The following SDK2 variants were observed in gnomAD, a reference collection of about 807,000 sequenced individuals.
The protein encoded by SDK2 is sidekick cell adhesion molecule 2, also known as protein sidekick-2.
Under a neutral mutation model 253.9 loss-of-function variants are expected in SDK2, and 105 were observed. The observed-to-expected ratio is 0.41, with a 90% CI of 0.35 to 0.49. The LOEUF (loss-of-function observed/expected upper bound fraction) is 0.49, where lower values mean the gene tolerates loss of function less well. Ranked by LOEUF, SDK2 falls within the 20% of genes least tolerant of loss-of-function variation. The pLI, the probability that SDK2 is intolerant of heterozygous loss-of-function variation, is 0.06. For missense variants in SDK2, 2,608 were observed against 3,003.0 expected, an observed-to-expected ratio of 0.87 and a Z score of 3.07; for synonymous variants, 1,249 against 1,234.9, an observed-to-expected ratio of 1.01 and a Z score of -0.24.
intron 43 of SDK2, 110 bp downstream of exon 43, chr17:73,350,127 A>T: frequency 1.4e-6 from 1 of 725,894 alleles, no homozygotes; most frequent in Non-Finnish European, 1.8e-6. Flanking sequence ...GGTGTTTCCC[A>T]GGACAAGGTA....
chr17:73,347,620 C>A (rs1199351321), intron 44 of SDK2, among the ~76,000 whole-genome samples: 1 of 152,186 alleles, frequency 6.6e-6, no homozygotes, highest in South Asian at 2.1e-4. Flanking sequence ...CTGCTGGCAC[C>A]TCTTCCTTCA....
rs1240140306 is a variant in SDK2, at chr17:73,423,391, T to C, written c.1892A>G (p.Glu631Gly). ...GGTGACCACGGGAAGCTTACTGTTC[T>C]CCGACATCTCCAGAATGTAGCGGAT... is the stretch of plus-strand genomic sequence containing the variant. ...PLIRYILEMS[E>G]NNAPWTVLLA... Residue 631 changes from glutamate to glycine, a missense_variant, in exon 14 of 45, where the codon GAG (glutamate) becomes GGG (glycine). Physicochemically the swap from Glu to Gly is moderately conservative, Grantham distance 98. Coordinates refer to ENST00000392650, the MANE Select transcript of SDK2 (RefSeq NM_001144952.2). The C allele has an allele frequency of 6.8e-7, 1 of 1,480,288 alleles. No homozygotes were observed. Among genetic ancestry groups the C allele is most frequent in the Admixed American group, 2.3e-5 (1 of 43,696 alleles). 91.7% of individuals were successfully genotyped at this position (1,480,288 alleles called of 1,614,324 possible). A position where few individuals can be genotyped will look rare whatever the true frequency, so the allele number is the denominator to read the frequency against.
intron 27 of SDK2, 54 bp downstream of exon 27, chr17:73,393,506 G>A: frequency 1.4e-6 from 2 of 1,459,444 alleles, no homozygotes; most frequent in Non-Finnish European, 1.8e-6. Context: ...AGATGGGCAG[G>A]AGGAAGGGCG....
chr17:73,601,191 T>C (rs1449393974), intron 1 of SDK2, among the ~76,000 whole-genome samples: 2 of 151,944 alleles, frequency 1.3e-5, no homozygotes, highest in Non-Finnish European at 2.9e-5. Context: ...AGCTAATTTT[T>C]GTATTTTTAG....
At chr17:73,506,706 G>C (rs887900154) in intron 2 of SDK2, among the ~76,000 whole-genome samples, 6 of 152,238 alleles carry the variant, frequency 3.9e-5, no homozygotes, top group Non-Finnish European at 8.8e-5. Flanking sequence ...GGAGGTGGGA[G>C]GATAAGAGCA....
At chr17:73,593,430 G>A (rs1215986924) in intron 1 of SDK2, among the ~76,000 whole-genome samples, 3 of 152,194 alleles carry the variant, frequency 2.0e-5, no homozygotes, top group Non-Finnish European at 4.4e-5. Context: ...GAACAGAGAT[G>A]GGGTGTGGGG....
intron 38 of SDK2, among the ~76,000 whole-genome samples, chr17:73,364,012 C>T (rs999609065): frequency 6.6e-6 from 1 of 151,812 alleles, no homozygotes; most frequent in African/African-American, 2.4e-5. Context: ...CTGGTCACAA[C>T]GATGTTCCCA....
chr17:73,355,174 A>ATATATATATATATATATATATATATTTT, intron 40 of SDK2, among the ~76,000 whole-genome samples: 15 of 47,202 alleles, frequency 3.2e-4, no homozygotes, highest in East Asian at 1.7e-3. Flanking sequence ...ATATATATAT[A>ATATATATATATATATATATATATATTTT]TTTTTTTTTT....
At chr17:73,403,813 T>A (rs1469952593) in intron 18 of SDK2, among the ~76,000 whole-genome samples, 1 of 152,242 alleles carries the variant, frequency 6.6e-6, no homozygotes, top group African/African-American at 2.4e-5. Flanking sequence ...AATAAGTGTG[T>A]TAAATATCCT....
At chr17:73,374,998 G>A (rs1228155126) in intron 36 of SDK2, among the ~76,000 whole-genome samples, 1 of 152,080 alleles carries the variant, frequency 6.6e-6, no homozygotes, top group Non-Finnish European at 1.5e-5. Flanking sequence ...AAGAGTGACA[G>A]CCAAAGCCCC....
At chr17:73,362,037 C>T (rs537382173) in intron 38 of SDK2, among the ~76,000 whole-genome samples, 192 bp from the exon 39 acceptor site, 5 of 152,340 alleles carry the variant, frequency 3.3e-5, no homozygotes, top group African/African-American at 1.2e-4. Flanking sequence ...ACAGCACGGT[C>T]CTGCCTGCTG....
intron 2 of SDK2, among the ~76,000 whole-genome samples, chr17:73,474,636 G>A (rs2063673220): frequency 6.6e-6 from 1 of 152,158 alleles, no homozygotes; most frequent in South Asian, 2.1e-4. Flanking sequence ...CCCAAGCTCT[G>A]GTAAATCTCT....
chr17:73,338,291 C>CA lies in SDK2; in HGVS notation c.*295dup. 1.8e-6 allele frequency: 1 copy of CA among 559,198 alleles called. No homozygotes were observed. Among genetic ancestry groups the CA allele is most frequent in the South Asian group, 1.5e-5 (1 of 65,032 alleles). The allele number at this position is 559,198 out of a possible 1,614,324, so 34.6% of individuals were successfully genotyped here. A position where few individuals can be genotyped will look rare whatever the true frequency, so the allele number is the denominator to read the frequency against. ...CCTCTCTCTCTCCAGATGCCCGCCC[C>CA]ACTCCGTGTCCATAGCAGTGACACA... is the stretch of plus-strand genomic sequence containing the variant. On this transcript the variant is annotated 3_prime_UTR_variant, in exon 45 of 45. Coordinates refer to ENST00000392650, the MANE Select transcript of SDK2 (RefSeq NM_001144952.2). The surrounding 1 kb of genome is among the most constrained non-coding windows in gnomAD (Gnocchi z 5.0).
chr17:73,575,565 C>T (rs569549796), intron 1 of SDK2, among the ~76,000 whole-genome samples: 8 of 152,230 alleles, frequency 5.3e-5, no homozygotes, highest in African/African-American at 1.9e-4. Flanking sequence ...CTCTCCGTGC[C>T]AGTCTGTACT....
At chr17:73,532,304 C>A (rs1352264802) in intron 1 of SDK2, among the ~76,000 whole-genome samples, 5 of 149,236 alleles carry the variant, frequency 3.4e-5, no homozygotes, top group Non-Finnish European at 7.4e-5. Context: ...TCTGTCCATT[C>A]CCACCTCCAG....
At chr17:73,573,565 G>A (rs1023864365) in intron 1 of SDK2, among the ~76,000 whole-genome samples, 5 of 152,070 alleles carry the variant, frequency 3.3e-5, no homozygotes, top group Middle Eastern at 3.4e-3. Context: ...GGCTCTACCC[G>A]CCAAACGCAC....
rs71157018 is a variant in SDK2, at chr17:73,509,902, C to CAAAAAAAA, written c.65-2313_65-2306dup. On this transcript the variant is annotated intron_variant, in intron 1 of 44. Transcript: ENST00000392650. ...GCAACAGAGCAAGACTCCATCTCTA[C>CAAAAAAAA]AAAAAAAAAAAAAAAAAAAAGAAGG... Among the ~76,000 whole-genome samples, 163 of 25,384 alleles carry CAAAAAAAA rather than the reference C, an allele frequency of 6.4e-3. 11 individuals are homozygous for CAAAAAAAA. The highest frequency in any genetic ancestry group is 0.056 in the Admixed American group (126 of 2,250). The allele number at this position is 25,384 out of a possible 152,430, so 16.7% of individuals were successfully genotyped here.
rs79229569 is a variant in SDK2, at chr17:73,471,603, A to C, written c.331+509T>G. ...ACAGAGTGAGACTCCAACTCAAAAC[A>C]AAAACAAAAACAAAATAAAAGTCAT... On this transcript the variant is annotated intron_variant, in intron 3 of 44. Transcript: ENST00000392650. Among the ~76,000 whole-genome samples the C allele has an allele frequency of 6.3e-4, 96 of 152,280 alleles. 1 individual carries two copies. In the East Asian group the frequency reaches 0.018, roughly 29 times the overall value.
rs1207766853 is a variant in SDK2, at chr17:73,398,527, A to G, written c.3094-98T>C. On this transcript the variant is annotated intron_variant, in intron 22 of 44. Transcript: ENST00000392650. ...GCCCTGCCAGGGAAGAAGTTGGTTC[A>G]GAACCCAGGGCTCATCTGGAGGGCA... The G allele has an allele frequency of 3.9e-6, 4 of 1,035,200 alleles. No homozygotes were observed. In the Admixed American group the frequency reaches 8.0e-5, roughly 21 times the overall value. The allele number at this position is 1,035,200 out of a possible 1,614,324, so 64.1% of individuals were successfully genotyped here. A position where few individuals can be genotyped will look rare whatever the true frequency, so the allele number is the denominator to read the frequency against.
Sources: gnomAD v4.1 joint callset for allele counts (sites outside exome capture counted in the v4.1 genomes callset) on GRCh38, gnomAD v4.1.1 for gene constraint, Gnocchi (gnomAD v3.1) non-coding constraint, MANE v1.5 for transcripts, NCBI Gene and HGNC (gene_info 2026-07-23, HGNC 2026-07-21) for gene names.